DDR2: variants seen among roughly 807,000 people sequenced by gnomAD.
The protein encoded by DDR2 is discoidin domain receptor tyrosine kinase 2.
DDR2 carries 27 observed loss-of-function variants against 94.9 expected under a neutral mutation model. The observed-to-expected ratio is 0.28, with a 90% CI of 0.21 to 0.39. The LOEUF (loss-of-function observed/expected upper bound fraction) is 0.39. DDR2 is among the 10% of genes least tolerant of loss of function. The pLI is 1.00. For missense variants in DDR2, 783 were observed against 1,076.0 expected, an observed-to-expected ratio of 0.73 and a Z score of 3.81; for synonymous variants, 382 against 377.2, an observed-to-expected ratio of 1.01 and a Z score of -0.15.
At chr1:162,643,103 A>G (rs1379206608) in intron 1 of DDR2, among the ~76,000 whole-genome samples, 3 of 152,010 alleles carry the variant, frequency 2.0e-5, no homozygotes, top group Admixed American at 2.0e-4. Flanking sequence ...TGGTTTTCCT[A>G]TTGTCTTTCC....
intron 14 of DDR2, among the ~76,000 whole-genome samples, chr1:162,774,013 AT>A (rs2102191025): frequency 6.6e-6 from 1 of 151,632 alleles, no homozygotes; most frequent in African/African-American, 2.4e-5. Context: ...TCACATTTCT[AT>A]TTATTTTCTC....
chr1:162,711,669 G>T (rs180885577), intron 2 of DDR2, among the ~76,000 whole-genome samples: 1 of 152,072 alleles, frequency 6.6e-6, no homozygotes, highest in Admixed American at 6.6e-5. Flanking sequence ...TTATCACTGG[G>T]GTGGAAATGA....
intron 2 of DDR2, among the ~76,000 whole-genome samples, chr1:162,675,538 C>A (rs2101946290): frequency 6.6e-6 from 1 of 152,300 alleles, no homozygotes; most frequent in Middle Eastern, 3.4e-3. Flanking sequence ...CCTGCTAAAG[C>A]ATGTGTTTCA....
intron 2 of DDR2, among the ~76,000 whole-genome samples, chr1:162,662,179 C>A (rs1658333578): frequency 6.6e-6 from 1 of 152,204 alleles, no homozygotes; most frequent in South Asian, 2.1e-4. Flanking sequence ...ACATTCTCTT[C>A]ATTGGAAGAA....
intron 2 of DDR2, among the ~76,000 whole-genome samples, chr1:162,691,972 AG>A (rs1659979823): frequency 6.6e-6 from 1 of 152,244 alleles, no homozygotes; most frequent in African/African-American, 2.4e-5. Flanking sequence ...CAAGGCCTGT[AG>A]GTGGGTGGAG....
At chr1:162,724,605 G>A (rs950005776) in intron 3 of DDR2, among the ~76,000 whole-genome samples, 8 of 152,094 alleles carry the variant, frequency 5.3e-5, no homozygotes, top group Non-Finnish European at 1.2e-4. Flanking sequence ...TTCCAAATTG[G>A]AAACTCATTT....
chr1:162,694,731 T>A (rs1237061089), intron 2 of DDR2, among the ~76,000 whole-genome samples: 1 of 152,244 alleles, frequency 6.6e-6, no homozygotes, highest in African/African-American at 2.4e-5. Context: ...GCTACATTTC[T>A]GTGATATGTC....
intron 1 of DDR2, among the ~76,000 whole-genome samples, chr1:162,649,444 G>A (rs911941341): frequency 2.0e-5 from 3 of 152,206 alleles, no homozygotes; most frequent in Admixed American, 1.3e-4. Flanking sequence ...TCCAGGCTTT[G>A]CCACTAACTG....
At chr1:162,757,766 A>G (rs530255036) in intron 7 of DDR2, among the ~76,000 whole-genome samples, 21 of 152,300 alleles carry the variant, frequency 1.4e-4, no homozygotes, top group Admixed American at 1.1e-3. Flanking sequence ...TAAAACTCTT[A>G]GTTCTGCCAA....
upstream of DDR2, among the ~76,000 whole-genome samples, chr1:162,631,005 CA>C (rs1249762853): frequency 6.6e-6 from 1 of 152,144 alleles, no homozygotes; most frequent in Non-Finnish European, 1.5e-5. Context: ...TGCCTTTAAT[CA>C]TTTCCATGGC....
rs2102195921 is a variant in DDR2, at chr1:162,775,740, C to T, written c.1945C>T (p.Pro649Ser). The stretch of plus-strand genomic sequence containing the variant: ...ATTAGCTGTGTGTATCACTGATGAC[C>T]CTCTCTGTATGATCACTGAATACAT... ...HLLAVCITDD[P>S]LCMITEYMEN... Residue 649 changes from proline (P) to serine (S), a missense_variant, in exon 15 of 18, where the codon CCT becomes TCT. Coordinates refer to ENST00000367921, the MANE Select transcript of DDR2 (RefSeq NM_006182.4). 6.2e-7 allele frequency: 1 copy of T among 1,614,062 alleles called. No homozygotes were observed.
chr1:162,699,662 G>A (rs1272598422), intron 2 of DDR2, among the ~76,000 whole-genome samples: 1 of 152,104 alleles, frequency 6.6e-6, no homozygotes, highest in East Asian at 1.9e-4. Flanking sequence ...AAAAATAAAA[G>A]CAAAATATAG....
At chr1:162,635,755 T>C (rs568823411) in intron 1 of DDR2, among the ~76,000 whole-genome samples, 4 of 152,300 alleles carry the variant, frequency 2.6e-5, no homozygotes, top group African/African-American at 9.6e-5. Context: ...TTAAAAGATT[T>C]TCAGACCAAT....
intron 11 of DDR2, among the ~76,000 whole-genome samples, chr1:162,768,340 T>G (rs1278125193): frequency 6.6e-6 from 1 of 152,208 alleles, no homozygotes; most frequent in Non-Finnish European, 1.5e-5. Context: ...CCTTTGGCCA[T>G]GATCACCTCT....
intron 4 of DDR2, among the ~76,000 whole-genome samples, chr1:162,753,849 A>G (rs1397876411): frequency 6.6e-6 from 1 of 152,170 alleles, no homozygotes; most frequent in Non-Finnish European, 1.5e-5. Context: ...GATTTTATTA[A>G]AATGGAATTA....
chr1:162,750,700 C>G (rs571287659), intron 3 of DDR2, among the ~76,000 whole-genome samples: 2 of 152,124 alleles, frequency 1.3e-5, no homozygotes, highest in Non-Finnish European at 2.9e-5. Context: ...CAATCCTAAG[C>G]CAAAAGAACA....
chr1:162,772,911 T>C (rs1438808192), intron 13 of DDR2, among the ~76,000 whole-genome samples: 1 of 152,236 alleles, frequency 6.6e-6, no homozygotes, highest in Non-Finnish European at 1.5e-5. Flanking sequence ...TTATTGGTTT[T>C]CAGTGTGGAT....
At chr1:162,663,258 G>T (rs768828104) in intron 2 of DDR2, among the ~76,000 whole-genome samples, 1 of 152,062 alleles carries the variant, frequency 6.6e-6, no homozygotes, top group African/African-American at 2.4e-5. Context: ...GTGACATCTG[G>T]CAGTCAAATA....
intron 2 of DDR2, among the ~76,000 whole-genome samples, chr1:162,665,211 G>A (rs74957954): frequency 1.3e-5 from 2 of 152,320 alleles, no homozygotes; most frequent in East Asian, 3.9e-4. Flanking sequence ...TGTTCACAGA[G>A]CATGCGTTAA....
Sources: gnomAD v4.1 joint callset for allele counts (sites outside exome capture counted in the v4.1 genomes callset) on GRCh38, gnomAD v4.1.1 for gene constraint, MANE v1.5 for transcripts, NCBI Gene and HGNC (gene_info 2026-07-23, HGNC 2026-07-21) for gene names.